ANKRD26: variants seen among roughly 807,000 people sequenced by gnomAD.
The protein encoded by ANKRD26 is ankyrin repeat domain-containing protein 26.
A neutral mutation model predicts 208.7 loss-of-function variants in ANKRD26; 141 were observed. The observed-to-expected ratio is 0.68, with a 90% CI of 0.59 to 0.78. ANKRD26 has a LOEUF of 0.78. ANKRD26 is among the 30% of genes least tolerant of loss of function. The probability of loss-of-function intolerance (pLI) is 0.00; values close to 1 mark genes in which losing one functional copy is unlikely to be tolerated. For missense variants in ANKRD26, 1,889 were observed against 1,938.7 expected (o/e 0.97, Z 0.48); for synonymous variants, 636 against 660.4 (o/e 0.96, Z 0.57).
At chr10:26,979,497 T>C (rs2052276441) in intron 5 of ANKRD26, among the ~76,000 whole-genome samples, 2 of 152,144 alleles carry the variant, frequency 1.3e-5, no homozygotes, top group African/African-American at 2.4e-5. Context: ...CGGTAAGGTA[T>C]AGGTTTGGAT....
chr10:26,984,975 C>T (rs1206434942), intron 3 of ANKRD26, among the ~76,000 whole-genome samples: 7 of 152,114 alleles, frequency 4.6e-5, no homozygotes, highest in African/African-American at 1.7e-4. Flanking sequence ...AAAATGAGTT[C>T]CCCTATCACT....
chr10:27,096,300 A>G (rs2056463033), intron 1 of ANKRD26, among the ~76,000 whole-genome samples: 1 of 152,106 alleles, frequency 6.6e-6, no homozygotes, highest in Admixed American at 6.5e-5. Context: ...TACATTATGT[A>G]TTACAATGCT....
intron 12 of ANKRD26, among the ~76,000 whole-genome samples, chr10:27,063,124 T>C (rs1035864625): frequency 2.6e-5 from 4 of 152,126 alleles, no homozygotes; most frequent in East Asian, 1.9e-4. Flanking sequence ...CCTGTATTCA[T>C]CTACAGCAGA....
At chr10:26,954,844 G>A in the ANKRD26 span, among the ~76,000 whole-genome samples, 1 of 151,592 alleles carries the variant, frequency 6.6e-6, no homozygotes, top group Non-Finnish European at 1.5e-5. Flanking sequence ...GTGTTTTAGT[G>A]TATGGACTTT....
At position 27,033,023 on chromosome 10, in the gene ANKRD26, C is replaced by T. The variant is rs1194626149; in HGVS notation, c.3807+202G>A. The stretch of plus-strand genomic sequence containing the variant: ...CCGGGAGGTGGGGCTTGCATTGAGC[C>T]GAGATCGCGCCACTGTGCCACTGCA... On this transcript the variant is annotated intron_variant, in intron 25 of 33. Coordinates refer to ENST00000376087, the MANE Select transcript of ANKRD26 (RefSeq NM_014915.3). 4.7e-5 allele frequency among the ~76,000 whole-genome samples: 7 copies of T among 150,172 alleles called. No homozygotes were observed. The East Asian group carries it at 1.2e-3, about 25-fold the overall frequency.
chr10:27,089,648 C>T (rs1044874472), intron 4 of ANKRD26, among the ~76,000 whole-genome samples: 6 of 152,074 alleles, frequency 3.9e-5, no homozygotes, highest in Non-Finnish European at 8.8e-5. Context: ...TAAAATTAGC[C>T]GGGCATGGTG....
At chr10:27,074,579 G>T (rs1294619636) in intron 9 of ANKRD26, among the ~76,000 whole-genome samples, 1 of 152,154 alleles carries the variant, frequency 6.6e-6, no homozygotes, top group African/African-American at 2.4e-5. Flanking sequence ...TACTAGGGGG[G>T]CTGAAGCAGG....
Position 27,034,886 on chromosome 10 carries a change from C to T in ANKRD26, c.3564G>A (p.Leu1188=). 6.2e-7 allele frequency: 1 copy of T among 1,613,638 alleles called. No individual in the cohort carries two copies. Among genetic ancestry groups the T allele is most frequent in the Non-Finnish European group, 8.5e-7 (1 of 1,179,818 alleles). Residue 1188 remains leucine (L), a synonymous_variant, in exon 24 of 34, where the codon CTG becomes CTA. Coordinates refer to ENST00000376087, the MANE Select transcript of ANKRD26 (RefSeq NM_014915.3). ...TTAACTCCTTATTTCTTTCTTCTAG[C>T]AGAAGACTTTGCTTTTCACTCTCAG... is the stretch of plus-strand genomic sequence containing the variant. ...LQAESEKQSL[L]LEERNKELIS... is the part of the protein sequence containing the mutation.
rs1312826108 is a variant in ANKRD26, at chr10:27,093,456, C to T, written c.424G>A (p.Ala142Thr). Residue 142 changes from alanine to threonine, a missense_variant, in exon 3 of 34, where the codon GCG (alanine) becomes ACG (threonine). This residue lies in a region of ANKRD26 where 1,272 missense variants were observed against 1,273.8 expected (regional missense o/e 1.00). Coordinates refer to ENST00000376087, the MANE Select transcript of ANKRD26 (RefSeq NM_014915.3). Reference sequence around the variant, plus strand: ...AGAGCAGTGTTGCCATGGACATCCGCAAGATTTGGATCAGCACCATGTTCT... The same window carrying T: ...AGAGCAGTGTTGCCATGGACATCCGTAAGATTTGGATCAGCACCATGTTCT... Reference protein sequence around the residue: ...LLEHGADPNLADVHGNTALHY... With the variant: ...LLEHGADPNLTDVHGNTALHY... 6.2e-7 allele frequency: 1 copy of T among 1,614,062 alleles called. No homozygotes were observed. The highest frequency in any genetic ancestry group is 1.7e-5 in the Admixed American group (1 of 59,996).
chr10:27,037,257 C>T lies in ANKRD26; in HGVS notation c.2626G>A (p.Asp876Asn). ...SREQNARMLQ[D>N]GILTNHLSKQ... ...GAAAGGTGATTGGTCAGAATTCCAT[C>T]TTGTAACATTCTGGCATTCTGTTCT... Residue 876 changes from aspartate to asparagine, a missense_variant, in exon 23 of 34, where the codon GAT becomes AAT. By Grantham distance (23) the Asp-to-Asn change is conservative (BLOSUM62 1). Transcript: ENST00000376087. 1 of 1,613,838 alleles carries T rather than the reference C, an allele frequency of 6.2e-7. No homozygotes were observed. Among genetic ancestry groups the T allele is most frequent in the Non-Finnish European group, 8.5e-7 (1 of 1,179,794 alleles).
rs528313459 is a variant in ANKRD26 at position 27,072,278 on chromosome 10, G to A, written c.1078-4992C>T. ...GCGTGAGACCTGCCTTGCCAAGCCC[G>A]TGCTGCATGAGACATACTGTTGCCT... On this transcript the variant is annotated intron_variant, in intron 9 of 33. Coordinates refer to ENST00000376087, the MANE Select transcript of ANKRD26 (RefSeq NM_014915.3). 2.4e-3 allele frequency among the ~76,000 whole-genome samples: 368 copies of A among 152,354 alleles called. 1 individual carries two copies. Among genetic ancestry groups the A allele is most frequent in the African/African-American group, 8.2e-3 (342 of 41,590 alleles).
At chr10:27,060,457 A>C (rs1375194500) in intron 14 of ANKRD26, 40 bp from the exon 15 acceptor site, 1 of 1,563,250 alleles carries the variant, frequency 6.4e-7, no homozygotes, top group East Asian at 2.2e-5. Context: ...TAAATAATGT[A>C]TACTTTATAC....
chr10:27,080,884 A>G, intron 6 of ANKRD26: 2 of 985,128 alleles, frequency 2.0e-6, no homozygotes, highest in Non-Finnish European at 2.4e-6. Flanking sequence ...AGCTAATCCT[A>G]CCCCTGCCCT....
chr10:27,042,822 T>A (rs1169627562), intron 20 of ANKRD26, among the ~76,000 whole-genome samples: 18 of 128,926 alleles, frequency 1.4e-4, no homozygotes, highest in African/African-American at 5.0e-4. Context: ...AAAAAAAAGC[T>A]GGGTGTGGTG....
intron 15 of ANKRD26, among the ~76,000 whole-genome samples, chr10:27,055,646 T>C (rs1189825921): frequency 2.0e-5 from 3 of 152,164 alleles, no homozygotes; most frequent in Admixed American, 6.5e-5. Flanking sequence ...CTTTTTTAAA[T>C]GATAGAGCAC....
At chr10:27,040,618 G>A (rs2054202620) in intron 20 of ANKRD26, among the ~76,000 whole-genome samples, 1 of 152,124 alleles carries the variant, frequency 6.6e-6, no homozygotes, top group South Asian at 2.1e-4. Flanking sequence ...TCTGCTTCAG[G>A]TACTAACTTT....
exon 6 of ANKRD26, among the ~76,000 whole-genome samples, chr10:26,974,576 C>A (rs1235992682): frequency 1.3e-5 from 2 of 152,076 alleles, no homozygotes; most frequent in Non-Finnish European, 2.9e-5. Flanking sequence ...TTCTGACCTC[C>A]TGATCTGCCT....
chr10:27,040,122 C>A lies in ANKRD26; in HGVS notation c.2218G>T (p.Glu740Ter). 6.2e-7 allele frequency: 1 copy of A among 1,612,640 alleles called. No individual in the cohort carries two copies. The highest frequency in any genetic ancestry group is 8.5e-7 in the Non-Finnish European group (1 of 1,179,618). The change falls in exon 21 of 34, where the codon GAA becomes TAA. Residue 740 changes from glutamate to a stop codon, truncating the protein, a stop_gained. Transcript: ENST00000376087. LOFTEE classifies it high-confidence loss of function. Reference sequence around the variant, plus strand: ...AGTTCACAGTGATTTTTTTTAAGTTCTAATAATCTTTCACATGAAAGAGCT... The same window carrying A: ...AGTTCACAGTGATTTTTTTTAAGTTATAATAATCTTTCACATGAAAGAGCT... Reference protein sequence around the residue: ...DAALSCERLLELKKNHCELLT... With the variant: ...DAALSCERLL
At chr10:27,066,239 T>A in intron 11 of ANKRD26, 1 of 309,366 alleles carries the variant, frequency 3.2e-6, no homozygotes, top group Non-Finnish European at 5.8e-6. Flanking sequence ...CTAAGCCTTT[T>A]CTTTTCTTTT....
Sources: gnomAD v4.1 joint callset for allele counts (sites outside exome capture counted in the v4.1 genomes callset) on GRCh38, gnomAD v4.1.1 for gene constraint, gnomAD v4.1.1 regional missense constraint, MANE v1.5 for transcripts, NCBI Gene and HGNC (gene_info 2026-07-23, HGNC 2026-07-21) for gene names.